The following PPM1H variants were observed in gnomAD, a reference collection of about 807,000 sequenced individuals.
The protein encoded by PPM1H is protein phosphatase, Mg2+/Mn2+ dependent 1H, also known as protein phosphatase 1H.
In PPM1H, 27 loss-of-function variants were observed where a neutral mutation model predicts 54.9. That is an observed-to-expected ratio of 0.49 (90% CI 0.36 to 0.68). The LOEUF (loss-of-function observed/expected upper bound fraction) is 0.68, where lower values mean the gene tolerates loss of function less well. PPM1H is among the 30% of genes least tolerant of loss of function. PPM1H has a pLI of 0.00. For missense variants in PPM1H, 596 were observed against 667.8 expected, an observed-to-expected ratio of 0.89 and a Z score of 1.19; for synonymous variants, 305 against 270.8, an observed-to-expected ratio of 1.13 and a Z score of -1.24.
intron 4 of PPM1H, among the ~76,000 whole-genome samples, chr12:62,760,440 G>C (rs1195272091): frequency 1.3e-5 from 2 of 152,074 alleles, no homozygotes; most frequent in Admixed American, 1.3e-4. Flanking sequence ...CTCCCTGCCA[G>C]GTTGAATCAG....
At chr12:62,932,302 G>T (rs956910190) in intron 1 of PPM1H, among the ~76,000 whole-genome samples, 1 of 152,082 alleles carries the variant, frequency 6.6e-6, no homozygotes, top group African/African-American at 2.4e-5. Flanking sequence ...TCTCTCATGC[G>T]TGTCTCATTG....
chr12:62,848,042 C>A (rs998005781), intron 1 of PPM1H, among the ~76,000 whole-genome samples: 6 of 151,974 alleles, frequency 3.9e-5, no homozygotes, highest in African/African-American at 1.5e-4. Context: ...ATTTTAATAG[C>A]GGAACCAGAA....
At chr12:62,655,199 G>A (rs1211056191) in intron 9 of PPM1H, among the ~76,000 whole-genome samples, 1 of 152,186 alleles carries the variant, frequency 6.6e-6, no homozygotes, top group Admixed American at 6.5e-5. Flanking sequence ...CACAACCCCG[G>A]GGACTCAGCT....
intron 5 of PPM1H, among the ~76,000 whole-genome samples, chr12:62,725,594 C>A (rs1244593320): frequency 6.6e-6 from 1 of 152,172 alleles, no homozygotes; most frequent in African/African-American, 2.4e-5. Context: ...TTACCTATTT[C>A]TTTAGGTCTT....
chr12:62,665,971 C>A (rs2075915706), intron 9 of PPM1H, among the ~76,000 whole-genome samples: 1 of 152,154 alleles, frequency 6.6e-6, no homozygotes, highest in African/African-American at 2.4e-5. Flanking sequence ...CTCAAGTGAT[C>A]CTCCTGCGTT....
chr12:62,909,005 C>A lies in PPM1H; in HGVS notation c.245+25487G>T, dbSNP rs555860712. Reference sequence around the variant, plus strand: ...AGGACAACACTACACCAGTTCCCACCAGTCCCCCACCCCACCCTATCCCCT... The same window carrying A: ...AGGACAACACTACACCAGTTCCCACAAGTCCCCCACCCCACCCTATCCCCT... On this transcript the variant is annotated intron_variant, in intron 1 of 9. Transcript: ENST00000228705. Among the ~76,000 whole-genome samples, 351 of 152,214 alleles carry A rather than the reference C, an allele frequency of 2.3e-3. 1 individual carries two copies. Among genetic ancestry groups the A allele is most frequent in the Non-Finnish European group, 4.4e-3 (300 of 68,022 alleles).
intron 6 of PPM1H, among the ~76,000 whole-genome samples, chr12:62,712,712 G>T (rs1489158968): frequency 6.6e-6 from 1 of 152,174 alleles, no homozygotes; most frequent in African/African-American, 2.4e-5. Flanking sequence ...GGCTAATAAC[G>T]CTGAGCTAAT....
chr12:62,848,916 G>A (rs1869074455), intron 1 of PPM1H, among the ~76,000 whole-genome samples: 1 of 152,070 alleles, frequency 6.6e-6, no homozygotes, highest in African/African-American at 2.4e-5. Context: ...GTGGGACAAG[G>A]GGGACTGGGG....
chr12:62,743,261 G>A (rs1312900549), intron 4 of PPM1H, among the ~76,000 whole-genome samples: 1 of 152,142 alleles, frequency 6.6e-6, no homozygotes, highest in Non-Finnish European at 1.5e-5. Context: ...GCTGAGGCAG[G>A]AGAATTGCTT....
intron 9 of PPM1H, among the ~76,000 whole-genome samples, chr12:62,664,923 T>C (rs768412375): frequency 6.6e-6 from 1 of 152,152 alleles, no homozygotes; most frequent in Non-Finnish European, 1.5e-5. Context: ...GCTGAAGATA[T>C]AATCCCACCA....
At chr12:62,753,345 G>A (rs987380772) in intron 4 of PPM1H, among the ~76,000 whole-genome samples, 3 of 152,316 alleles carry the variant, frequency 2.0e-5, no homozygotes, top group South Asian at 2.1e-4. Flanking sequence ...CCTCATGCTC[G>A]AAAGAGTTCA....
At chr12:62,696,077 G>A (rs1184221402) in intron 6 of PPM1H, among the ~76,000 whole-genome samples, 1 of 152,186 alleles carries the variant, frequency 6.6e-6, no homozygotes, top group South Asian at 2.1e-4. Flanking sequence ...GCAGAAGGCT[G>A]CAGCTCTAGA....
intron 1 of PPM1H, among the ~76,000 whole-genome samples, chr12:62,852,579 G>A (rs1006951084): frequency 6.6e-6 from 1 of 152,208 alleles, no homozygotes; most frequent in African/African-American, 2.4e-5. Context: ...ATCATGTAGA[G>A]GAATTGATAA....
intron 9 of PPM1H, among the ~76,000 whole-genome samples, chr12:62,666,938 T>C: frequency 6.6e-6 from 1 of 152,142 alleles, no homozygotes; most frequent in East Asian, 1.9e-4. Context: ...GGTCTAGAAC[T>C]CCTGACCTCA....
chr12:62,808,040 G>A (rs767333298), intron 2 of PPM1H, among the ~76,000 whole-genome samples: 1 of 152,154 alleles, frequency 6.6e-6, no homozygotes, highest in Non-Finnish European at 1.5e-5. Context: ...GTTTTGCTAT[G>A]TTGCCCAGGC....
At chr12:62,748,529 A>AACACAC (rs3052402) in intron 4 of PPM1H, among the ~76,000 whole-genome samples, 5,933 of 147,344 alleles carry the variant, frequency 0.04, 138 homozygotes, top group African/African-American at 0.056. Context: ...TTCAGTGTAG[A>AACACAC]ACACACACAC....
At chr12:62,793,863 T>C (rs2076715849) in intron 3 of PPM1H, among the ~76,000 whole-genome samples, 1 of 151,826 alleles carries the variant, frequency 6.6e-6, no homozygotes, top group African/African-American at 2.4e-5. Flanking sequence ...GAAAGTCTCA[T>C]AGATGATGCA....
chr12:62,876,642 G>A lies in PPM1H; in HGVS notation c.246-44363C>T, dbSNP rs146041757. Among the ~76,000 whole-genome samples the A allele has an allele frequency of 4.4e-3, 675 of 152,318 alleles. 1 individual carries two copies. Among genetic ancestry groups the A allele is most frequent in the Non-Finnish European group, 8.2e-3 (561 of 68,024 alleles). On this transcript the variant is annotated intron_variant, in intron 1 of 9. Coordinates refer to ENST00000228705, the MANE Select transcript of PPM1H (RefSeq NM_020700.2). The stretch of plus-strand genomic sequence containing the variant: ...TATGTACAGTATAGGTCCCCAGGAC[G>A]TAGAACTGGCCCCAAGAGCGGAAAC...
intron 8 of PPM1H, among the ~76,000 whole-genome samples, chr12:62,668,966 A>T (rs2075937706): frequency 6.6e-6 from 1 of 152,240 alleles, no homozygotes; most frequent in South Asian, 2.1e-4. Flanking sequence ...AATGAGCTCA[A>T]ATGAAAAGCA....
Sources: gnomAD v4.1 joint callset for allele counts (sites outside exome capture counted in the v4.1 genomes callset) on GRCh38, gnomAD v4.1.1 for gene constraint, MANE v1.5 for transcripts, NCBI Gene and HGNC (gene_info 2026-07-23, HGNC 2026-07-21) for gene names.